CTNNA3: variants seen among roughly 807,000 people sequenced by gnomAD.
The protein encoded by CTNNA3 is catenin alpha 3, also known as catenin alpha-3.
Under a neutral mutation model 95.7 loss-of-function variants are expected in CTNNA3, and 76 were observed. The observed-to-expected ratio is 0.79, with a 90% confidence interval of 0.66 to 0.96. CTNNA3 has a LOEUF of 0.96. Ranked by LOEUF, CTNNA3 falls within the 40% of genes least tolerant of loss-of-function variation. CTNNA3 has a pLI of 0.00. For synonymous variants in CTNNA3, 431 were observed against 374.4 expected, an observed-to-expected ratio of 1.15 and a Z score of -1.74; for missense variants, 1,191 against 1,089.8, an observed-to-expected ratio of 1.09 and a Z score of -1.31.
chr10:66,409,074 CT>C (rs886545662), intron 11 of CTNNA3, among the ~76,000 whole-genome samples: 1 of 152,166 alleles, frequency 6.6e-6, no homozygotes, highest in African/African-American at 2.4e-5. Context: ...ATCAAGTCCA[CT>C]TCTATTGACA....
At chr10:67,194,908 A>G (rs1167917966) in intron 6 of CTNNA3, among the ~76,000 whole-genome samples, 1 of 151,994 alleles carries the variant, frequency 6.6e-6, no homozygotes, top group Non-Finnish European at 1.5e-5. Context: ...AAAAATTAGT[A>G]TTACAGAAAA....
chr10:66,360,615 C>A (rs2092648232), intron 12 of CTNNA3, among the ~76,000 whole-genome samples: 1 of 27,970 alleles, frequency 3.6e-5, no homozygotes, highest in East Asian at 2.3e-3. Flanking sequence ...TTCTTTCTTT[C>A]TTTCTTTCTT....
chr10:66,540,076 C>A (rs111553847), intron 10 of CTNNA3, among the ~76,000 whole-genome samples: 1 of 149,664 alleles, frequency 6.7e-6, no homozygotes, highest in South Asian at 2.1e-4. Context: ...TCATAAATAA[C>A]AATAATAAGA....
At chr10:66,829,405 G>T (rs1240787303) in intron 7 of CTNNA3, among the ~76,000 whole-genome samples, 6 of 152,156 alleles carry the variant, frequency 3.9e-5, no homozygotes, top group East Asian at 1.9e-4. Context: ...TAGGTCAGGA[G>T]TGAGACCAGC....
At chr10:66,633,935 T>C (rs1845246229) in intron 9 of CTNNA3, among the ~76,000 whole-genome samples, 1 of 152,106 alleles carries the variant, frequency 6.6e-6, no homozygotes, top group Non-Finnish European at 1.5e-5. Flanking sequence ...CTATATGTAT[T>C]GGTGTATATG....
intron 9 of CTNNA3, among the ~76,000 whole-genome samples, chr10:66,759,784 T>C (rs1439544913): frequency 6.6e-6 from 1 of 152,210 alleles, no homozygotes; most frequent in African/African-American, 2.4e-5. Context: ...AAATTTTAAG[T>C]CTTAGCATAA....
intron 17 of CTNNA3, among the ~76,000 whole-genome samples, chr10:65,957,225 T>TG (rs1181893279): frequency 6.6e-6 from 1 of 152,216 alleles, no homozygotes; most frequent in Admixed American, 6.5e-5. Context: ...TGCCTTTTTT[T>TG]GTTTTCCATT....
chr10:66,406,982 C>T (rs2093062549), intron 11 of CTNNA3, among the ~76,000 whole-genome samples: 1 of 152,026 alleles, frequency 6.6e-6, no homozygotes, highest in East Asian at 1.9e-4. Flanking sequence ...ATTTTATTTA[C>T]ATAGAACTAA....
chr10:67,042,381 G>C (rs1389729264), intron 7 of CTNNA3, among the ~76,000 whole-genome samples: 1 of 152,088 alleles, frequency 6.6e-6, no homozygotes, highest in Non-Finnish European at 1.5e-5. Flanking sequence ...TTTCTGGTTT[G>C]GATAAGCAGT....
chr10:65,925,240 C>A (rs2077149991), intron 17 of CTNNA3, among the ~76,000 whole-genome samples: 1 of 152,040 alleles, frequency 6.6e-6, no homozygotes, highest in African/African-American at 2.4e-5. Flanking sequence ...CCCACTTGTT[C>A]TGCAGATTAC....
At chr10:66,500,094 C>G (rs549318309) in intron 11 of CTNNA3, among the ~76,000 whole-genome samples, 1 of 152,124 alleles carries the variant, frequency 6.6e-6, no homozygotes, top group East Asian at 1.9e-4. Context: ...AGCCACTGCA[C>G]CCGGCCAATA....
At chr10:66,546,648 A>C (rs2132093117) in intron 10 of CTNNA3, among the ~76,000 whole-genome samples, 1 of 152,284 alleles carries the variant, frequency 6.6e-6, no homozygotes, top group Admixed American at 6.5e-5. Context: ...AAGTGAAAGC[A>C]GGGGAAATGC....
chr10:67,727,366 G>A (rs1841241436), intron 1 of CTNNA3, among the ~76,000 whole-genome samples: 1 of 129,262 alleles, frequency 7.7e-6, no homozygotes, highest in Non-Finnish European at 1.6e-5. Flanking sequence ...ATACATATAT[G>A]TATATATGTA....
Position 66,561,450 on chromosome 10 carries a change from T to C in CTNNA3, c.1375-40677A>G, listed in dbSNP as rs549115025. Among the ~76,000 whole-genome samples, 210 of 152,268 alleles carry C rather than the reference T, an allele frequency of 1.4e-3. 2 individuals carry two copies. The highest frequency in any genetic ancestry group is 4.5e-3 in the Admixed American group (69 of 15,272). ...AGGAAAGACATATCACAGGACTATT[T>C]CTCACATTTTTATCGGATACATTAA... On this transcript the variant is annotated intron_variant, in intron 10 of 17. Coordinates refer to ENST00000433211, the MANE Select transcript of CTNNA3 (RefSeq NM_013266.4).
At chr10:66,400,487 C>T (rs906537832) in intron 11 of CTNNA3, among the ~76,000 whole-genome samples, 4 of 151,858 alleles carry the variant, frequency 2.6e-5, no homozygotes, top group South Asian at 2.1e-4. Flanking sequence ...TTCAAGCTGT[C>T]GATATTGGCA....
intron 15 of CTNNA3, among the ~76,000 whole-genome samples, chr10:66,009,133 T>C (rs1190558066): frequency 6.6e-6 from 1 of 152,062 alleles, no homozygotes; most frequent in Non-Finnish European, 1.5e-5. Flanking sequence ...TCACGTAGTC[T>C]TCTTGATAAC....
At chr10:66,197,365 T>G (rs1050897315) in intron 13 of CTNNA3, among the ~76,000 whole-genome samples, 1 of 151,946 alleles carries the variant, frequency 6.6e-6, no homozygotes, top group African/African-American at 2.4e-5. Context: ...TATCTATCTA[T>G]CTATCTATCT....
At chr10:67,566,058 T>TATATATATATAC (rs1554854503) in intron 3 of CTNNA3, among the ~76,000 whole-genome samples, 1 of 85,584 alleles carries the variant, frequency 1.2e-5, no homozygotes, top group South Asian at 5.8e-4. Context: ...TATATATATA[T>TATATATATATAC]ATATATATAT....
chr10:67,401,352 A>G (rs932737831), intron 5 of CTNNA3, among the ~76,000 whole-genome samples: 9 of 152,328 alleles, frequency 5.9e-5, no homozygotes, highest in Admixed American at 5.9e-4. Context: ...TGCCACTCCC[A>G]CAGAAAGAGA....
Sources: allele counts gnomAD v4.1 joint callset (sites outside exome capture counted in the v4.1 genomes callset), GRCh38; gene constraint gnomAD v4.1.1; transcripts MANE v1.5; gene names NCBI Gene and HGNC (gene_info 2026-07-23, HGNC 2026-07-21).